RIT2: variants seen among roughly 807,000 people sequenced by gnomAD.
The protein encoded by RIT2 is Ras like without CAAX 2, also known as GTP-binding protein Rit2.
In RIT2, 24 loss-of-function variants were observed where a neutral mutation model predicts 23.7. The ratio of observed to expected loss-of-function variants is 1.01; its 90% CI spans 0.73 to 1.43. The LOEUF is 1.43. RIT2 is among the 40% of genes most tolerant of loss of function. The probability of loss-of-function intolerance (pLI) is 0.00; values close to 1 mark genes in which losing one functional copy is unlikely to be tolerated. For missense variants in RIT2, 236 were observed against 266.9 expected, an observed-to-expected ratio of 0.88 and a Z score of 0.81; for synonymous variants, 107 against 91.1, an observed-to-expected ratio of 1.17 and a Z score of -0.99.
intron 4 of RIT2, among the ~76,000 whole-genome samples, chr18:42,815,162 C>G (rs935364266): frequency 6.6e-5 from 10 of 152,110 alleles, no homozygotes; most frequent in African/African-American, 2.4e-4. Context: ...TGGATCCAAA[C>G]CAAGAAGAAA....
At chr18:43,085,208 T>A (rs572219623) in intron 1 of RIT2, among the ~76,000 whole-genome samples, 2 of 152,170 alleles carry the variant, frequency 1.3e-5, no homozygotes, top group African/African-American at 4.8e-5. Flanking sequence ...TATTAATGTA[T>A]TAATTTTTAT....
chr18:43,073,269 C>T (rs757971253), intron 1 of RIT2, among the ~76,000 whole-genome samples: 1 of 152,162 alleles, frequency 6.6e-6, no homozygotes, highest in Non-Finnish European at 1.5e-5. Context: ...CACTTGTTTG[C>T]CGTTTATGTT....
At chr18:42,800,810 T>C (rs1296654525) in intron 4 of RIT2, among the ~76,000 whole-genome samples, 1 of 152,052 alleles carries the variant, frequency 6.6e-6, no homozygotes, top group Non-Finnish European at 1.5e-5. Flanking sequence ...GGATTACAGG[T>C]GTGAGCCACC....
Position 43,115,410 on chromosome 18 carries a change from A to C in RIT2, c.103+7T>G, listed in dbSNP as rs529790319. On this transcript the variant is annotated splice_region_variant and intron_variant, in intron 1 of 4. Transcript: ENST00000326695. ...CTCCTTCCCCAGCATTTGGTGTGAA[A>C]ACTTACCGCTTTTACCAACTCCCCC... 3.2e-5 allele frequency: 51 copies of C among 1,612,924 alleles called. No homozygotes were observed. The South Asian group carries it at 4.8e-4, about 15-fold the overall frequency.
intron 2 of RIT2, among the ~76,000 whole-genome samples, chr18:43,014,698 GAC>G (rs1470898705): frequency 6.6e-6 from 1 of 151,282 alleles, no homozygotes; most frequent in East Asian, 1.9e-4. Context: ...AAAACAAAGA[GAC>G]AAACACTGTA....
chr18:43,102,557 A>T (rs1913712064), intron 1 of RIT2, among the ~76,000 whole-genome samples: 1 of 144,894 alleles, frequency 6.9e-6, no homozygotes, highest in African/African-American at 2.6e-5. Context: ...TATGTCAGTT[A>T]TCCTAATCTT....
intron 4 of RIT2, among the ~76,000 whole-genome samples, chr18:42,828,912 C>G (rs1183804286): frequency 6.6e-6 from 1 of 152,208 alleles, no homozygotes; most frequent in Non-Finnish European, 1.5e-5. Context: ...TTAAATAAAT[C>G]TTAAAAATTA....
At chr18:43,086,794 G>C (rs1469821889) in intron 1 of RIT2, among the ~76,000 whole-genome samples, 3 of 152,196 alleles carry the variant, frequency 2.0e-5, no homozygotes, top group Non-Finnish European at 2.9e-5. Context: ...TGGCTGTGGA[G>C]AAGGAAGTGG....
At chr18:42,907,640 A>C (rs1410551090) in intron 4 of RIT2, among the ~76,000 whole-genome samples, 1 of 152,148 alleles carries the variant, frequency 6.6e-6, no homozygotes, top group Admixed American at 6.6e-5. Context: ...GAGAAAAGAC[A>C]ATTATTTGAT....
chr18:42,855,540 T>C (rs1310520797), intron 4 of RIT2, among the ~76,000 whole-genome samples: 6 of 152,206 alleles, frequency 3.9e-5, no homozygotes, highest in African/African-American at 1.4e-4. Context: ...ATCTATTCAC[T>C]TGACCCAACC....
At chr18:42,990,614 C>A (rs1910819748) in intron 2 of RIT2, among the ~76,000 whole-genome samples, 2 of 152,176 alleles carry the variant, frequency 1.3e-5, no homozygotes, top group Non-Finnish European at 2.9e-5. Context: ...AAGCATGAAG[C>A]ATGCCTTATT....
chr18:43,041,608 C>T (rs1170586785), intron 1 of RIT2, among the ~76,000 whole-genome samples: 1 of 152,058 alleles, frequency 6.6e-6, no homozygotes, highest in Non-Finnish European at 1.5e-5. Flanking sequence ...CATACAATGG[C>T]AGTGGTGACA....
At chr18:42,796,657 C>G (rs1434332620) in intron 4 of RIT2, among the ~76,000 whole-genome samples, 2 of 152,220 alleles carry the variant, frequency 1.3e-5, no homozygotes, top group South Asian at 2.1e-4. Flanking sequence ...CTATATATTT[C>G]TACCTGCCCA....
At chr18:43,074,668 T>C (rs2144339556) in intron 1 of RIT2, among the ~76,000 whole-genome samples, 1 of 152,220 alleles carries the variant, frequency 6.6e-6, no homozygotes, top group East Asian at 1.9e-4. Flanking sequence ...AGTGATAAAC[T>C]GGATAAAGAA....
chr18:42,922,257 T>C (rs1224911404), intron 4 of RIT2, among the ~76,000 whole-genome samples: 1 of 152,168 alleles, frequency 6.6e-6, no homozygotes, highest in East Asian at 1.9e-4. Context: ...ACTTAAAGCA[T>C]ATTAAGCATG....
chr18:42,852,267 C>T (rs1907073932), intron 4 of RIT2, among the ~76,000 whole-genome samples: 1 of 152,214 alleles, frequency 6.6e-6, no homozygotes, highest in East Asian at 1.9e-4. Context: ...TTTGCTGTTG[C>T]TTTAAAATCT....
At chr18:43,035,937 G>T (rs2144286852) in intron 1 of RIT2, among the ~76,000 whole-genome samples, 1 of 152,306 alleles carries the variant, frequency 6.6e-6, no homozygotes, top group East Asian at 1.9e-4. Context: ...TGTTAAGAAT[G>T]ATTGATATCG....
chr18:42,811,052 A>G (rs1255537920), intron 4 of RIT2, among the ~76,000 whole-genome samples: 6 of 152,042 alleles, frequency 3.9e-5, no homozygotes, highest in African/African-American at 1.4e-4. Flanking sequence ...AAATGTGCAG[A>G]AAATTATAGA....
intron 4 of RIT2, among the ~76,000 whole-genome samples, chr18:42,858,933 C>T (rs1217193700): frequency 1.3e-5 from 2 of 152,086 alleles, no homozygotes; most frequent in South Asian, 2.1e-4. Context: ...GGATATATTA[C>T]ATTTTGTTTA....
Sources: allele counts gnomAD v4.1 joint callset (sites outside exome capture counted in the v4.1 genomes callset), GRCh38; gene constraint gnomAD v4.1.1; transcripts MANE v1.5; gene names NCBI Gene and HGNC (gene_info 2026-07-23, HGNC 2026-07-21).